The following MYO5A variants were observed in gnomAD, a reference collection of about 807,000 sequenced individuals.
The protein encoded by MYO5A is myosin VA, also known as unconventional myosin-Va.
Under a neutral mutation model 249.7 loss-of-function variants are expected in MYO5A, and 98 were observed. That is an observed-to-expected ratio of 0.39 (90% CI 0.33 to 0.46). The LOEUF is 0.46. Ranked by LOEUF, MYO5A falls within the 20% of genes least tolerant of loss-of-function variation. The pLI is 0.98. For synonymous variants in MYO5A, 778 were observed against 810.6 expected, an observed-to-expected ratio of 0.96 and a Z score of 0.68; for missense variants, 1,696 against 2,308.8, an observed-to-expected ratio of 0.73 and a Z score of 5.44.
intron 4 of MYO5A, among the ~76,000 whole-genome samples, chr15:52,417,309 C>A (rs2043550170): frequency 6.6e-6 from 1 of 152,118 alleles, no homozygotes; most frequent in African/African-American, 2.4e-5. Flanking sequence ...CTCTTTGAAG[C>A]CACAGCAAAG....
At chr15:52,381,231 C>G (rs973755018) in intron 16 of MYO5A, among the ~76,000 whole-genome samples, 15 of 152,076 alleles carry the variant, frequency 9.9e-5, no homozygotes, top group African/African-American at 3.6e-4. Context: ...AGGTCATGGT[C>G]CTGAGGGCTG....
intron 1 of MYO5A, among the ~76,000 whole-genome samples, chr15:52,526,576 G>C (rs1261720675): frequency 6.6e-6 from 1 of 152,192 alleles, no homozygotes; most frequent in Admixed American, 6.5e-5. Context: ...GGTCAAGATG[G>C]TCTCGAACTC....
At chr15:52,482,727 A>T (rs1693493) in intron 1 of MYO5A, among the ~76,000 whole-genome samples, 110,929 of 151,950 alleles carry the variant, frequency 0.73, 41,058 homozygotes, top group Non-Finnish European at 0.76. Context: ...CTTTAAAAAA[A>T]TTTTTTTAAG....
Position 52,327,951 on chromosome 15 carries a change from G to C in MYO5A, c.4611C>G (p.Ile1537Met), listed in dbSNP as rs928841094. 6.2e-7 allele frequency: 1 copy of C among 1,613,592 alleles called. No individual in the cohort carries two copies. The highest frequency in any genetic ancestry group is 1.1e-5 in the South Asian group (1 of 91,070). Reference sequence around the variant, plus strand: ...CAGCATGTCGAACACACATGAACAGGATATATGCCGGTAATCCTGGAATCA... The same window carrying C: ...CAGCATGTCGAACACACATGAACAGCATATATGCCGGTAATCCTGGAATCA... ...VNLIPGLPAY[I>M]LFMCVRHADY... The change falls in exon 36 of 42, where the codon ATC (isoleucine) becomes ATG (methionine). Residue 1537 changes from isoleucine to methionine, a missense_variant. Transcript: ENST00000399233.
At chr15:52,416,105 A>T (rs1213680124) in intron 5 of MYO5A, 40 bp downstream of exon 5, 2 of 1,611,026 alleles carry the variant, frequency 1.2e-6, no homozygotes, top group Non-Finnish European at 1.7e-6. Flanking sequence ...GTTTCTTATC[A>T]AGAGAATATA....
intron 1 of MYO5A, among the ~76,000 whole-genome samples, chr15:52,525,171 C>T (rs8033993): frequency 0.021 from 3,186 of 152,204 alleles, 98 homozygotes; most frequent in African/African-American, 0.073. Flanking sequence ...TCATAGTTTC[C>T]TTTAATTCTT....
chr15:52,451,606 G>C (rs1361347425), intron 1 of MYO5A, among the ~76,000 whole-genome samples: 1 of 152,014 alleles, frequency 6.6e-6, no homozygotes, highest in Admixed American at 6.6e-5. Flanking sequence ...CTACCTCACT[G>C]CTTAGCCCCT....
chr15:52,448,091 G>C (rs1347594018), intron 1 of MYO5A, among the ~76,000 whole-genome samples: 2 of 152,232 alleles, frequency 1.3e-5, no homozygotes, highest in African/African-American at 2.4e-5. Flanking sequence ...CTTACACCAT[G>C]TGCCTGGAAA....
rs1047600809 is a variant in MYO5A, at chr15:52,443,983, C to CA, written c.28-10699dup. On this transcript the variant is annotated intron_variant, in intron 1 of 41. Transcript: ENST00000399233. ...GGGCAACAGAGGAAGACTCTGTCTC[C>CA]AAAAAAAAAAGGAAAATCAAGTTCA... is the stretch of plus-strand genomic sequence containing the variant. Among the ~76,000 whole-genome samples the CA allele has an allele frequency of 9.9e-4, 141 of 142,612 alleles. No homozygotes were observed. The Middle Eastern group carries it at 0.011, about 11-fold the overall frequency. The allele number at this position is 142,612 out of a possible 152,430, so 93.6% of individuals were successfully genotyped here. A position where few individuals can be genotyped will look rare whatever the true frequency, so the allele number is the denominator to read the frequency against.
chr15:52,372,174 T>C lies in MYO5A; in HGVS notation c.2767A>G (p.Ile923Val), dbSNP rs757621774. 45 of 1,613,620 alleles carry C rather than the reference T, an allele frequency of 2.8e-5. No individual in the cohort carries two copies. The highest frequency in any genetic ancestry group is 3.4e-5 in the Non-Finnish European group (40 of 1,180,030). The stretch of plus-strand genomic sequence containing the variant: ...TGCATGATCTTGTTCTCCATGCCGA[T>C]GTGCAGCTTCTTATAGCGCTCCACT... ...RSVERYKKLH[I>V]GMENKIMQLQ... The change falls in exon 21 of 42, where the codon ATC becomes GTC. Residue 923 changes from isoleucine (I) to valine (V), a missense_variant. Transcript: ENST00000399233.
intron 1 of MYO5A, among the ~76,000 whole-genome samples, chr15:52,476,437 G>A (rs2076594628): frequency 6.6e-6 from 1 of 152,140 alleles, no homozygotes; most frequent in Non-Finnish European, 1.5e-5. Context: ...CTGTCATTAT[G>A]ATGTTAGCTG....
At chr15:52,386,522 T>C (rs1314925510) in intron 14 of MYO5A, among the ~76,000 whole-genome samples, 1 of 152,092 alleles carries the variant, frequency 6.6e-6, no homozygotes, top group Non-Finnish European at 1.5e-5. Context: ...CTATAAACAG[T>C]TAATGCCCAG....
Position 52,351,315 on chromosome 15 carries a change from T to A in MYO5A, c.3788A>T (p.Lys1263Met), listed in dbSNP as rs747008601. The part of the protein sequence containing the change: ...TSVSEELDVR[K>M]EEVLILRSQL... ...AGACCTTAAGATGAGGACTTCCTCCTTGCGGACATCAAGCTCCTCGCTCAC... is the reference window on the plus strand; with the variant it reads ...AGACCTTAAGATGAGGACTTCCTCCATGCGGACATCAAGCTCCTCGCTCAC... The change falls in exon 28 of 42, where the codon AAG becomes ATG. Residue 1263 changes from lysine (K) to methionine (M), a missense_variant. By Grantham distance (95) the Lys-to-Met change is moderately conservative. Around this residue, in one of 5 missense-constraint regions of MYO5A, gnomAD observed 625 missense variants for 908.1 expected, o/e 0.69. Transcript: ENST00000399233. The A allele has an allele frequency of 2.5e-6, 4 of 1,614,232 alleles. No individual in the cohort carries two copies.
intron 1 of MYO5A, among the ~76,000 whole-genome samples, chr15:52,462,245 G>A (rs1595728569): frequency 2.7e-5 from 4 of 148,620 alleles, no homozygotes; most frequent in African/African-American, 7.5e-5. Context: ...CAGCCTGGGC[G>A]ACAGAGCGAG....
At chr15:52,358,512 TCTGGGCTGAC>T (rs2040360069) in intron 25 of MYO5A, among the ~76,000 whole-genome samples, 1 of 152,214 alleles carries the variant, frequency 6.6e-6, no homozygotes, top group Non-Finnish European at 1.5e-5. Context: ...TTGCCTTGAA[TCTGGGCTGAC>T]CTTGTGATTT....
At chr15:52,495,727 C>CT (rs2077024650) in intron 1 of MYO5A, among the ~76,000 whole-genome samples, 1 of 152,100 alleles carries the variant, frequency 6.6e-6, no homozygotes, top group Non-Finnish European at 1.5e-5. Context: ...AAAATGGACT[C>CT]TGAGTGGTCA....
chr15:52,449,318 T>C (rs72736701), intron 1 of MYO5A, among the ~76,000 whole-genome samples: 22,578 of 152,054 alleles, frequency 0.15, 1,770 homozygotes, highest in Middle Eastern at 0.22. Context: ...TACAGAATGT[T>C]ACAAATCTTT....
chr15:52,392,994 T>C (rs1405485797), intron 11 of MYO5A, among the ~76,000 whole-genome samples: 1 of 152,176 alleles, frequency 6.6e-6, no homozygotes. Context: ...TAAAGATGAA[T>C]GGCAGCCAAG....
intron 5 of MYO5A, among the ~76,000 whole-genome samples, chr15:52,415,451 C>T (rs1387273239): frequency 1.3e-5 from 2 of 152,166 alleles, no homozygotes; most frequent in Non-Finnish European, 2.9e-5. Flanking sequence ...GGCATTTCTA[C>T]TTTGTATATG....
Sources: allele counts gnomAD v4.1 joint callset (sites outside exome capture counted in the v4.1 genomes callset), GRCh38; gene constraint gnomAD v4.1.1; regional missense constraint gnomAD v4.1.1; transcripts MANE v1.5; gene names NCBI Gene and HGNC (gene_info 2026-07-23, HGNC 2026-07-21).